The following CCT6B variants were observed in gnomAD, a reference collection of about 807,000 sequenced individuals.
CCT6B encodes the protein probable T-complex protein 1 subunit zeta-2.
A neutral mutation model predicts 61.5 loss-of-function variants in CCT6B; 49 were observed. The ratio of observed to expected loss-of-function variants is 0.80; its 90% CI spans 0.63 to 1.01. CCT6B has a LOEUF of 1.01. Among genes scored for constraint, CCT6B ranks in the 50% least tolerant of loss-of-function variants. CCT6B has a pLI of 0.00. For missense variants in CCT6B, 666 were observed against 634.7 expected, an observed-to-expected ratio of 1.05 and a Z score of -0.53; for synonymous variants, 228 against 214.5, an observed-to-expected ratio of 1.06 and a Z score of -0.55.
At chr17:34,955,250 G>C (rs1269580790) in intron 3 of CCT6B, among the ~76,000 whole-genome samples, 1 of 152,150 alleles carries the variant, frequency 6.6e-6, no homozygotes, top group Non-Finnish European at 1.5e-5. Context: ...CATGAACTTA[G>C]ATCTTTTTTT....
At chr17:34,932,970 T>A (rs368830229) in intron 10 of CCT6B, among the ~76,000 whole-genome samples, 1 of 152,144 alleles carries the variant, frequency 6.6e-6, no homozygotes, top group Non-Finnish European at 1.5e-5. Flanking sequence ...TTAATAGAGA[T>A]GGGGTTTCAC....
chr17:34,942,419 G>T, intron 7 of CCT6B, 65 bp downstream of exon 7: 1 of 1,351,742 alleles, frequency 7.4e-7, no homozygotes, highest in South Asian at 1.3e-5. Context: ...GGGGTCCACA[G>T]ACCACACTTC....
At chr17:34,932,559 G>C in intron 10 of CCT6B, 59 bp from the exon 11 acceptor site, 1 of 1,490,806 alleles carries the variant, frequency 6.7e-7, no homozygotes, top group South Asian at 1.3e-5. Context: ...AAGAGAGAGA[G>C]AGACAGAAAA....
At chr17:34,947,596 T>G (rs1374399891) in intron 5 of CCT6B, among the ~76,000 whole-genome samples, 1 of 152,160 alleles carries the variant, frequency 6.6e-6, no homozygotes, top group Non-Finnish European at 1.5e-5. Context: ...AAACTGAAAG[T>G]ATGCCTCCAA....
intron 12 of CCT6B, among the ~76,000 whole-genome samples, chr17:34,929,867 A>G (rs1338511522): frequency 6.6e-6 from 1 of 152,018 alleles, no homozygotes; most frequent in East Asian, 1.9e-4. Flanking sequence ...CTCCAGACCC[A>G]TATATCCAAC....
chr17:34,929,153 C>T, intron 12 of CCT6B, 119 bp from the exon 13 acceptor site: 2 of 646,142 alleles, frequency 3.1e-6, no homozygotes, highest in Non-Finnish European at 5.5e-6. Context: ...TCATCAATGA[C>T]CTCCATATTG....
chr17:34,928,143 T>A, intron 13 of CCT6B, 26 bp from the exon 14 acceptor site: 2 of 1,493,368 alleles, frequency 1.3e-6, no homozygotes, highest in East Asian at 2.3e-5. Flanking sequence ...AGAGGGTGAG[T>A]AAAGCCTACT....
intron 10 of CCT6B, among the ~76,000 whole-genome samples, chr17:34,935,098 T>C (rs2090079059): frequency 6.6e-6 from 1 of 152,160 alleles, no homozygotes; most frequent in Non-Finnish European, 1.5e-5. Context: ...TTCTGGCACA[T>C]GCTACAACAT....
intron 5 of CCT6B, chr17:34,944,281 C>T (rs983332405): frequency 6.6e-6 from 1 of 152,194 alleles, no homozygotes; most frequent in African/African-American, 2.4e-5. Flanking sequence ...GAACCTCCTA[C>T]TACTATGAAT....
intron 13 of CCT6B, 26 bp downstream of exon 13, chr17:34,928,936 T>C (rs1165334308): frequency 1.5e-6 from 2 of 1,294,396 alleles, no homozygotes; most frequent in South Asian, 2.5e-5. Context: ...CTACAGGTCT[T>C]TCACTTTATG....
intron 8 of CCT6B, 72 bp from the exon 9 acceptor site, chr17:34,939,785 T>A (rs1456109307): frequency 1.1e-6 from 1 of 937,706 alleles, no homozygotes; most frequent in Non-Finnish European, 1.8e-6. Context: ...AGAGAAGATA[T>A]CTAATGCAGA....
intron 5 of CCT6B, among the ~76,000 whole-genome samples, chr17:34,947,855 G>A (rs143611555): frequency 4.6e-5 from 7 of 151,816 alleles, no homozygotes; most frequent in African/African-American, 1.7e-4. Context: ...GGTGGTGCAC[G>A]CCTGTAGTCC....
intron 10 of CCT6B, among the ~76,000 whole-genome samples, chr17:34,935,339 A>T (rs999591053): frequency 6.6e-6 from 1 of 152,218 alleles, no homozygotes; most frequent in Non-Finnish European, 1.5e-5. Flanking sequence ...GATAATGGTT[A>T]GACAACATTG....
intron 10 of CCT6B, among the ~76,000 whole-genome samples, chr17:34,936,958 G>A (rs1166767115): frequency 6.6e-6 from 1 of 152,118 alleles, no homozygotes. Context: ...TTTGAGACCA[G>A]CCTGGGTAAC....
Position 34,932,429 on chromosome 17 carries a change from T to C in CCT6B, c.1285A>G (p.Ile429Val), listed in dbSNP as rs144261554. ...ACTCCAAGACGAGCTCTTCCTTTTA[T>C]ACTGTTCTTATATGTAACAAGAGCT... is the stretch of plus-strand genomic sequence containing the variant. Reference protein sequence around the residue: ...AEALVTYKNSIKGRARLGVQA... With the variant: ...AEALVTYKNSVKGRARLGVQA... Residue 429 changes from isoleucine to valine, a missense_variant, in exon 11 of 14, where the codon ATA (isoleucine) becomes GTA (valine). Coordinates refer to ENST00000314144, the MANE Select transcript of CCT6B (RefSeq NM_006584.4). 7 of 1,612,440 alleles carry C rather than the reference T, an allele frequency of 4.3e-6. No homozygotes were observed. Among genetic ancestry groups the C allele is most frequent in the East Asian group, 2.2e-5 (1 of 44,838 alleles).
At chr17:34,936,311 C>T (rs1402076789) in intron 10 of CCT6B, among the ~76,000 whole-genome samples, 1 of 152,090 alleles carries the variant, frequency 6.6e-6, no homozygotes, top group Non-Finnish European at 1.5e-5. Context: ...ACTTCCTCAA[C>T]CTGATAAAAA....
At chr17:34,949,242 G>C (rs1011498712) in intron 5 of CCT6B, among the ~76,000 whole-genome samples, 4 of 151,886 alleles carry the variant, frequency 2.6e-5, no homozygotes, top group African/African-American at 9.7e-5. Context: ...GATCGCCTGA[G>C]GTCGGGAGTT....
chr17:34,955,288 G>A (rs1218971506), intron 3 of CCT6B, among the ~76,000 whole-genome samples: 1 of 152,060 alleles, frequency 6.6e-6, no homozygotes, highest in Non-Finnish European at 1.5e-5. Context: ...TAATATAAGT[G>A]GTGAAGTTTG....
At position 34,928,112 on chromosome 17, in the gene CCT6B, A is replaced by G; in HGVS notation, c.1529T>C (p.Val510Ala). Residue 510 changes from valine to alanine, a missense_variant, in exon 14 of 14, where the codon GTG (valine) becomes GCG (alanine). Physicochemically the swap from Val to Ala is moderately conservative, Grantham distance 64 (BLOSUM62 0). Transcript: ENST00000314144. ...AACCAGGAGAATGTTGGTGGCAATC[A>G]CTGTGCTAAGGAAAAAGATGAGAGG... ...VKKQLLHSCT[V>A]IATNILLVDE... 2 of 1,611,104 alleles carry G rather than the reference A, an allele frequency of 1.2e-6. No homozygotes were observed. Among genetic ancestry groups the G allele is most frequent in the Non-Finnish European group, 1.7e-6 (2 of 1,178,196 alleles).
Sources: gnomAD v4.1 joint callset for allele counts (sites outside exome capture counted in the v4.1 genomes callset) on GRCh38, gnomAD v4.1.1 for gene constraint, MANE v1.5 for transcripts, NCBI Gene and HGNC (gene_info 2026-07-23, HGNC 2026-07-21) for gene names.